The following HSF2BP variants were observed in gnomAD, a reference collection of about 807,000 sequenced individuals.
The protein encoded by HSF2BP is heat shock factor 2-binding protein.
HSF2BP carries 35 observed loss-of-function variants against 35.0 expected under a neutral mutation model. The ratio of observed to expected loss-of-function variants is 1.00; its 90% CI spans 0.76 to 1.32. HSF2BP has a LOEUF of 1.32. Ranked by LOEUF, HSF2BP falls within the 40% of genes most tolerant of loss-of-function variation. The probability of loss-of-function intolerance (pLI) is 0.00; values close to 1 mark genes in which losing one functional copy is unlikely to be tolerated. For missense variants in HSF2BP, 326 were observed against 321.7 expected (o/e 1.01, Z -0.10); for synonymous variants, 114 against 117.4 (o/e 0.97, Z 0.18).
chr21:43,572,426 T>C (rs899551666), intron 8 of HSF2BP, among the ~76,000 whole-genome samples: 2 of 152,160 alleles, frequency 1.3e-5, no homozygotes, highest in Non-Finnish European at 2.9e-5. Context: ...GACAGGACCC[T>C]GGGGCAAGAC....
At chr21:43,649,477 G>A (rs1037031261) in intron 3 of HSF2BP, among the ~76,000 whole-genome samples, 3 of 151,968 alleles carry the variant, frequency 2.0e-5, no homozygotes, top group Non-Finnish European at 4.4e-5. Context: ...TCTCACCAGC[G>A]TATCATGGCT....
rs146548952 is a variant in HSF2BP, at chr21:43,573,243, C to T, written c.796+18982G>A. ...TTTCTAATGCTGCTGCCCAGTGTGA[C>T]GGGGGGCTGACGCTGCCCACTTCCC... On this transcript the variant is annotated intron_variant, in intron 8 of 8. Transcript: ENST00000291560. Among the ~76,000 whole-genome samples, 470 of 152,268 alleles carry T rather than the reference C, an allele frequency of 3.1e-3. 2 individuals are homozygous for T. The highest frequency in any genetic ancestry group is 0.011 in the African/African-American group (449 of 41,540).
At chr21:43,631,260 T>A (rs547924195) in intron 5 of HSF2BP, among the ~76,000 whole-genome samples, 1 of 152,326 alleles carries the variant, frequency 6.6e-6, no homozygotes, top group South Asian at 2.1e-4. Flanking sequence ...ACTGGTTTCC[T>A]GCCACACGTC....
At chr21:43,581,230 C>T (rs568785198) in intron 8 of HSF2BP, among the ~76,000 whole-genome samples, 167 of 151,988 alleles carry the variant, frequency 1.1e-3, no homozygotes, top group South Asian at 3.7e-3. Context: ...ACTAAAAATA[C>T]GAAAAATTAG....
chr21:43,575,433 A>G (rs2081630754), intron 8 of HSF2BP, among the ~76,000 whole-genome samples: 1 of 152,242 alleles, frequency 6.6e-6, no homozygotes, highest in Non-Finnish European at 1.5e-5. Context: ...TAGCTCTTCA[A>G]TTGCAAGAAG....
At chr21:43,602,184 T>A (rs1325544165) in intron 7 of HSF2BP, among the ~76,000 whole-genome samples, 3 of 152,360 alleles carry the variant, frequency 2.0e-5, no homozygotes, top group Middle Eastern at 3.4e-3. Context: ...AAGCAACTAG[T>A]GAACAAAGTG....
At chr21:43,619,455 G>T (rs2082307839) in intron 6 of HSF2BP, among the ~76,000 whole-genome samples, 1 of 152,168 alleles carries the variant, frequency 6.6e-6, no homozygotes, top group Non-Finnish European at 1.5e-5. Context: ...GCAGCTCCAA[G>T]ATTATCAGCA....
At chr21:43,651,771 C>T (rs1420507350) in intron 3 of HSF2BP, among the ~76,000 whole-genome samples, 2 of 152,234 alleles carry the variant, frequency 1.3e-5, no homozygotes, top group Non-Finnish European at 2.9e-5. Context: ...TGCCACCGCC[C>T]TGGCCTAGAA....
chr21:43,624,143 A>G (rs2082362763), intron 6 of HSF2BP, among the ~76,000 whole-genome samples: 1 of 152,236 alleles, frequency 6.6e-6, no homozygotes, highest in South Asian at 2.1e-4. Context: ...GTAGATACCC[A>G]GAAAAACTGA....
chr21:43,626,184 T>C (rs539320194), intron 6 of HSF2BP, among the ~76,000 whole-genome samples: 1 of 152,270 alleles, frequency 6.6e-6, no homozygotes, highest in South Asian at 2.1e-4. Context: ...CCGCAAGAAC[T>C]ATCATCAAGT....
rs926944831 is a variant in HSF2BP at position 43,656,496 on chromosome 21, C to A, written c.187+91G>T. 8 of 1,234,988 alleles carry A rather than the reference C, an allele frequency of 6.5e-6. No individual in the cohort carries two copies. The Admixed American group carries it at 1.1e-4, about 16-fold the overall frequency. The allele number at this position is 1,234,988 out of a possible 1,614,324, so 76.5% of individuals were successfully genotyped here. ...TATCATCACAAGGACTGTAAGAGTA[C>A]CTTAAAATTCGTTTACAATTATTTA... On this transcript the variant is annotated intron_variant, in intron 3 of 8. Transcript: ENST00000291560.
chr21:43,655,117 C>T (rs2082848838), intron 3 of HSF2BP, among the ~76,000 whole-genome samples: 1 of 152,178 alleles, frequency 6.6e-6, no homozygotes, highest in Admixed American at 6.5e-5. Context: ...TCATGAGACC[C>T]TGATGTATTT....
chr21:43,590,461 T>C (rs1008820108), intron 8 of HSF2BP, among the ~76,000 whole-genome samples: 3 of 152,214 alleles, frequency 2.0e-5, no homozygotes, highest in African/African-American at 7.2e-5. Context: ...CATGTCTCAG[T>C]GATCCCACTT....
intron 6 of HSF2BP, among the ~76,000 whole-genome samples, chr21:43,627,433 C>T (rs1404566037): frequency 6.6e-6 from 1 of 152,154 alleles, no homozygotes; most frequent in African/African-American, 2.4e-5. Flanking sequence ...GCTAAACTTA[C>T]TTGTTTTTTT....
In HSF2BP at chr21:43,658,061, C is replaced by T. The variant is rs1363943504; in HGVS notation, c.36G>A (p.Arg12=). 6.5e-7 allele frequency: 1 copy of T among 1,535,830 alleles called. No individual in the cohort carries two copies. The highest frequency in any genetic ancestry group is 1.4e-5 in the African/African-American group (1 of 73,068). The change falls in exon 2 of 9, where the codon CGG becomes CGA. Residue 12 remains arginine (R), a splice_region_variant and synonymous_variant. Coordinates refer to ENST00000291560, the MANE Select transcript of HSF2BP (RefSeq NM_007031.2). ...GEAGAAEEAC[R]HMGTKEEFVK... is the part of the protein sequence containing the mutation. Reference sequence around the variant, plus strand: ...CGTCGGCCAGGGCTTCCTCACTAACCCGGCAGGCCTCCTCAGCGGCGCCCG... The same window carrying T: ...CGTCGGCCAGGGCTTCCTCACTAACTCGGCAGGCCTCCTCAGCGGCGCCCG...
the HSF2BP span, among the ~76,000 whole-genome samples, chr21:43,467,556 A>C: frequency 6.8e-6 from 1 of 147,310 alleles, no homozygotes; most frequent in Non-Finnish European, 1.5e-5. Context: ...TCAGGGCTGA[A>C]GCCCAGACGT....
At chr21:43,586,036 T>C (rs1245320931) in intron 8 of HSF2BP, among the ~76,000 whole-genome samples, 2 of 152,186 alleles carry the variant, frequency 1.3e-5, no homozygotes, top group East Asian at 1.9e-4. Flanking sequence ...ACAAGCCAAA[T>C]AGATGTAAGA....
chr21:43,580,940 T>C (rs1175543049), intron 8 of HSF2BP, among the ~76,000 whole-genome samples: 2 of 152,142 alleles, frequency 1.3e-5, no homozygotes, highest in African/African-American at 4.8e-5. Context: ...CCTTTCTCTG[T>C]GTTACGTGAT....
At chr21:43,616,052 A>AAAAAT (rs57115434) in intron 6 of HSF2BP, among the ~76,000 whole-genome samples, 5 of 144,010 alleles carry the variant, frequency 3.5e-5, no homozygotes, top group Middle Eastern at 3.5e-3. Flanking sequence ...AAAAAAAAAA[A>AAAAAT]ATATATATAT....
Sources: allele counts gnomAD v4.1 joint callset (sites outside exome capture counted in the v4.1 genomes callset), GRCh38; gene constraint gnomAD v4.1.1; transcripts MANE v1.5; gene names NCBI Gene and HGNC (gene_info 2026-07-23, HGNC 2026-07-21).